Variants in NUP133 observed in about 807,000 individuals in gnomAD.
NUP133 encodes nuclear pore complex protein Nup133.
A neutral mutation model predicts 146.2 loss-of-function variants in NUP133; 66 were observed. The ratio of observed to expected loss-of-function variants is 0.45; its 90% CI spans 0.37 to 0.55. NUP133 has a LOEUF of 0.55. Ranked by LOEUF, NUP133 falls within the 20% of genes least tolerant of loss-of-function variation. The pLI, the probability that NUP133 is intolerant of heterozygous loss-of-function variation, is 0.00. For missense variants in NUP133, 1,277 were observed against 1,374.8 expected, an observed-to-expected ratio of 0.93 and a Z score of 1.12; for synonymous variants, 521 against 498.8, an observed-to-expected ratio of 1.04 and a Z score of -0.59.
intron 6 of NUP133, 54 bp downstream of exon 6, chr1:229,498,082 C>A: frequency 7.6e-7 from 1 of 1,317,702 alleles, no homozygotes; most frequent in Admixed American, 2.4e-5. Flanking sequence ...ATACTTTCAA[C>A]TTATTGATTT....
At chr1:229,474,810 A>G (rs964697375) in intron 14 of NUP133, among the ~76,000 whole-genome samples, 8 of 152,178 alleles carry the variant, frequency 5.3e-5, no homozygotes, top group Non-Finnish European at 8.8e-5. Context: ...TTGAAAAACA[A>G]TCAGGGAAGA....
intron 17 of NUP133, 146 bp from the exon 18 acceptor site, chr1:229,465,021 G>C: frequency 1.1e-6 from 1 of 912,378 alleles, no homozygotes; most frequent in Non-Finnish European, 1.7e-6. Context: ...TCAATGCCCT[G>C]CTTGAATCCC....
intron 7 of NUP133, 95 bp from the exon 8 acceptor site, chr1:229,495,660 T>C (rs1661638134): frequency 5.1e-6 from 5 of 979,438 alleles, no homozygotes; most frequent in Non-Finnish European, 7.7e-6. Context: ...GCTTCACCCA[T>C]AACTCAGTTG....
At chr1:229,475,806 T>A in intron 13 of NUP133, 74 bp from the exon 14 acceptor site, 1 of 1,219,350 alleles carries the variant, frequency 8.2e-7, no homozygotes, top group Non-Finnish European at 1.2e-6. Context: ...AGTGGCTAAC[T>A]GCTATTAAAA....
intron 1 of NUP133, among the ~76,000 whole-genome samples, 177 bp from the exon 2 acceptor site, chr1:229,506,335 G>A (rs1232531900): frequency 1.3e-5 from 2 of 150,850 alleles, no homozygotes; most frequent in African/African-American, 2.4e-5. Flanking sequence ...ACAGGATTTA[G>A]GAAAACTTGG....
intron 4 of NUP133, 50 bp downstream of exon 4, chr1:229,500,706 G>T: frequency 7.6e-6 from 8 of 1,058,300 alleles, no homozygotes; most frequent in South Asian, 1.4e-5. Flanking sequence ...CTAACTTTAG[G>T]ATGTCCTTGT....
intron 23 of NUP133, among the ~76,000 whole-genome samples, 180 bp from the exon 24 acceptor site, chr1:229,449,370 CTTT>C (rs71173728): frequency 5.0e-5 from 7 of 139,750 alleles, no homozygotes; most frequent in Admixed American, 1.4e-4. Context: ...AAGAGTTTTT[CTTT>C]TTTTTTTTTT....
chr1:229,471,801 A>G (rs1425294097), intron 14 of NUP133, among the ~76,000 whole-genome samples: 1 of 152,124 alleles, frequency 6.6e-6, no homozygotes, highest in African/African-American at 2.4e-5. Flanking sequence ...ATGCTAGGAG[A>G]TATCTTTTTA....
At chr1:229,468,069 G>C (rs567794188) in intron 15 of NUP133, among the ~76,000 whole-genome samples, 1 of 152,240 alleles carries the variant, frequency 6.6e-6, no homozygotes, top group African/African-American at 2.4e-5. Flanking sequence ...TGTCAACATA[G>C]TCTGTTCCTT....
chr1:229,464,754 G>A lies in NUP133; in HGVS notation c.2421C>T (p.Ala807=). The A allele has an allele frequency of 6.2e-7, 1 of 1,614,124 alleles. No homozygotes were observed. Among genetic ancestry groups the A allele is most frequent in the Non-Finnish European group, 8.5e-7 (1 of 1,180,036 alleles). Residue 807 remains alanine, a synonymous_variant, in exon 18 of 26, where the codon GCC becomes GCT. Coordinates refer to ENST00000261396, the MANE Select transcript of NUP133 (RefSeq NM_018230.3). ...LRNIVTEQLV[A]LIDCFLDGYV... ...AACCATCCAGGAAGCAATCGATCAG[G>A]GCTACCAGCTGCTCGGTCACGATGT...
intron 2 of NUP133, among the ~76,000 whole-genome samples, chr1:229,503,690 C>G (rs1661862494): frequency 6.6e-6 from 1 of 152,230 alleles, no homozygotes; most frequent in Non-Finnish European, 1.5e-5. Context: ...CTCAACTGAA[C>G]TATCTGCTCA....
In NUP133 at chr1:229,508,306, G is replaced by C; in HGVS notation, c.-57C>G. ...GGATCTGGCCGTCAGGTTGCAGCCT[G>C]GCCTGCGCGCGGAACTTAAACACCT... On this transcript the variant is annotated 5_prime_UTR_variant, in exon 1 of 26. Transcript: ENST00000261396. 2 of 1,310,878 alleles carry C rather than the reference G, an allele frequency of 1.5e-6. No homozygotes were observed. Among genetic ancestry groups the C allele is most frequent in the South Asian group, 1.8e-5 (1 of 56,596 alleles). 81.2% of individuals were successfully genotyped at this position (1,310,878 alleles called of 1,614,324 possible).
Position 229,452,559 on chromosome 1 carries a change from G to C in NUP133, c.3065C>G (p.Ala1022Gly), listed in dbSNP as rs751402996. 1.9e-6 allele frequency: 3 copies of C among 1,613,810 alleles called. No homozygotes were observed. In the South Asian group the frequency reaches 3.3e-5, roughly 18 times the overall value. Reference sequence around the variant, plus strand: ...TTGTGGTGCAGTCAATACTGGCATCGCACTGAGATTTAGCTGTTTCTCCGC... The same window carrying C: ...TTGTGGTGCAGTCAATACTGGCATCCCACTGAGATTTAGCTGTTTCTCCGC... ...LLAEKQLNLS[A>G]MPVLTAPQLI... The change falls in exon 22 of 26, where the codon GCG (alanine) becomes GGG (glycine). Residue 1022 changes from alanine to glycine, a missense_variant. By Grantham distance (60) the Ala-to-Gly change is moderately conservative. Coordinates refer to ENST00000261396, the MANE Select transcript of NUP133 (RefSeq NM_018230.3).
Position 229,490,029 on chromosome 1 carries a change from T to C in NUP133, c.1120A>G (p.Thr374Ala), listed in dbSNP as rs771171364. ...NPCLIYYSLI[T>A]IEDNGCQMSD... ...ATTTGGCAACCATTATCTTCTATTG[T>C]TATCAGAGAGTAATAGATGAGACAT... is the stretch of plus-strand genomic sequence containing the variant. The change falls in exon 9 of 26, where the codon ACA (threonine) becomes GCA (alanine). Residue 374 changes from threonine (T) to alanine (A), a missense_variant. This residue lies in a region of NUP133 where 952 missense variants were observed against 1,047.0 expected (regional missense o/e 0.91). Coordinates refer to ENST00000261396, the MANE Select transcript of NUP133 (RefSeq NM_018230.3). 2 of 1,612,128 alleles carry C rather than the reference T, an allele frequency of 1.2e-6. No individual in the cohort carries two copies. The highest frequency in any genetic ancestry group is 2.7e-5 in the African/African-American group (2 of 74,910).
At chr1:229,478,017 T>C (rs1262637872) in intron 12 of NUP133, among the ~76,000 whole-genome samples, 2 of 152,052 alleles carry the variant, frequency 1.3e-5, no homozygotes, top group Non-Finnish European at 2.9e-5. Flanking sequence ...GTTCACAACA[T>C]ACAAAAAAGA....
chr1:229,508,034 T>C (rs769850703), intron 1 of NUP133, 34 bp downstream of exon 1: 11 of 1,426,570 alleles, frequency 7.7e-6, no homozygotes, highest in South Asian at 1.5e-5. Context: ...CGTGAGGCTG[T>C]TGGTTGCCAG....
In NUP133 at chr1:229,508,225, G is replaced by A; in HGVS notation, c.25C>T (p.Arg9Trp). The change falls in exon 1 of 26, where the codon CGG becomes TGG. Residue 9 changes from arginine to tryptophan, a missense_variant. By Grantham distance (101) the Arg-to-Trp change is moderately radical (BLOSUM62 -3). Coordinates refer to ENST00000261396, the MANE Select transcript of NUP133 (RefSeq NM_018230.3). The stretch of plus-strand genomic sequence containing the variant: ...CTTCGGGACCCGGTACCCGGGGTCC[G>A]CGGAGAAGGGGCGGCTGGGAACATG... MFPAAPSP[R>W]TPGTGSRRGP... 6.5e-7 allele frequency: 1 copy of A among 1,542,570 alleles called. No homozygotes were observed. Among genetic ancestry groups the A allele is most frequent in the Non-Finnish European group, 8.7e-7 (1 of 1,147,242 alleles).
chr1:229,462,592 CCT>C (rs1192956820), intron 19 of NUP133, among the ~76,000 whole-genome samples: 2 of 151,442 alleles, frequency 1.3e-5, no homozygotes, highest in Non-Finnish European at 2.9e-5. Flanking sequence ...GATAGGTCTT[CCT>C]CTGTCACCTA....
chr1:229,497,552 T>C (rs1661684259), intron 6 of NUP133, among the ~76,000 whole-genome samples: 1 of 152,232 alleles, frequency 6.6e-6, no homozygotes, highest in South Asian at 2.1e-4. Context: ...GATTCCCAGC[T>C]CTGCCACTCA....
Sources: gnomAD v4.1 joint callset for allele counts (sites outside exome capture counted in the v4.1 genomes callset) on GRCh38, gnomAD v4.1.1 for gene constraint, gnomAD v4.1.1 regional missense constraint, MANE v1.5 for transcripts, NCBI Gene and HGNC (gene_info 2026-07-23, HGNC 2026-07-21) for gene names.